Variants in KLHL22 observed in about 807,000 individuals in gnomAD.
KLHL22 encodes the protein kelch-like protein 22.
KLHL22 carries 18 observed loss-of-function variants against 60.7 expected under a neutral mutation model. The observed-to-expected ratio is 0.30, with a 90% CI of 0.20 to 0.44. The LOEUF is 0.44. Among genes scored for constraint, KLHL22 ranks in the 20% least tolerant of loss-of-function variants. KLHL22 has a pLI of 1.00. For synonymous variants in KLHL22, 355 were observed against 354.5 expected, an observed-to-expected ratio of 1.00 and a Z score of -0.01; for missense variants, 596 against 852.3, an observed-to-expected ratio of 0.70 and a Z score of 3.74.
At chr22:20,444,916 G>C (rs1023727543) in intron 6 of KLHL22, among the ~76,000 whole-genome samples, 2 of 151,864 alleles carry the variant, frequency 1.3e-5, no homozygotes, top group African/African-American at 4.8e-5. Flanking sequence ...CAAGTAGCTG[G>C]GACCACAGGT....
intron 2 of KLHL22, among the ~76,000 whole-genome samples, chr22:20,486,435 ACTGGGTGCAT>A (rs901832214): frequency 1.4e-4 from 22 of 152,246 alleles, no homozygotes; most frequent in African/African-American, 5.3e-4. Context: ...ATGTCTCAGC[ACTGGGTGCAT>A]CGTCCCACAG....
chr22:20,450,136 G>A, intron 5 of KLHL22: 1 of 789,918 alleles, frequency 1.3e-6, no homozygotes, highest in South Asian at 1.3e-5. Context: ...GAGGCATTAT[G>A]GCCCCCAAAG....
chr22:20,491,724 A>G (rs1291705814), intron 1 of KLHL22: 3 of 152,194 alleles, frequency 2.0e-5, no homozygotes, highest in South Asian at 4.1e-4. Flanking sequence ...AATGAAAAAT[A>G]TATGCTGATA....
intron 2 of KLHL22, among the ~76,000 whole-genome samples, chr22:20,480,577 C>A (rs965166087): frequency 6.6e-6 from 1 of 152,022 alleles, no homozygotes; most frequent in East Asian, 1.9e-4. Flanking sequence ...TTCAGGTCCT[C>A]GATCCCTTGT....
chr22:20,465,516 T>C lies in KLHL22; in HGVS notation c.454A>G (p.Ile152Val), dbSNP rs928715623. ...FLMSWVDEEN[I>V]LDVYRLAELF... ...TCTGCCAGCCGGTAGACATCGAGAA[T>C]GTTCTCTTCGTCCACCCAGGACATG... The change falls in exon 4 of 7, where the codon ATT becomes GTT. Residue 152 changes from isoleucine to valine, a missense_variant. By Grantham distance (29) the Ile-to-Val change is conservative. Transcript: ENST00000328879. This position sits in a 1 kb window ranked among gnomAD's most constrained non-coding sequence, Gnocchi z 4.9. The C allele has an allele frequency of 6.2e-6, 10 of 1,610,874 alleles. No homozygotes were observed. Among genetic ancestry groups the C allele is most frequent in the Non-Finnish European group, 6.8e-6 (8 of 1,177,182 alleles).
At chr22:20,486,683 CT>C (rs60166792) in intron 2 of KLHL22, among the ~76,000 whole-genome samples, 48,029 of 140,602 alleles carry the variant, frequency 0.34, 7,253 homozygotes, top group East Asian at 0.44. Context: ...TATTTCTTTT[CT>C]TTTTTTTTTT....
intron 5 of KLHL22, among the ~76,000 whole-genome samples, chr22:20,455,816 C>T (rs368733912): frequency 1.5e-3 from 228 of 152,284 alleles, no homozygotes; most frequent in African/African-American, 5.2e-3. Flanking sequence ...ACAGTGCATG[C>T]GCTGCTAGAA....
At chr22:20,443,374 G>A (rs1257910624) in intron 6 of KLHL22, among the ~76,000 whole-genome samples, 1 of 152,144 alleles carries the variant, frequency 6.6e-6, no homozygotes, top group Non-Finnish European at 1.5e-5. Flanking sequence ...AGGATTAAGG[G>A]TGCAGACCCT....
At chr22:20,471,223 C>T (rs1244166301) in intron 3 of KLHL22, 127 bp downstream of exon 3, 1 of 862,922 alleles carries the variant, frequency 1.2e-6, no homozygotes, top group African/African-American at 1.7e-5. Flanking sequence ...TGGCCTTCGT[C>T]ACTGCTTGGT....
rs775125134 is a variant in KLHL22, at chr22:20,446,629, G to A, written c.1353C>T (p.Thr451=). 6.2e-7 allele frequency: 1 copy of A among 1,613,396 alleles called. No individual in the cohort carries two copies. The highest frequency in any genetic ancestry group is 8.5e-7 in the Non-Finnish European group (1 of 1,180,044). ...GATLEGKMYI[T]CGRRGEDYLK... is the part of the protein sequence containing the mutation. ...GGTAATCCTCCCCTCTGCGGCCGCAGGTGATATACATCTTCCCCTCCAGCG... is the reference window on the plus strand; with the variant it reads ...GGTAATCCTCCCCTCTGCGGCCGCAAGTGATATACATCTTCCCCTCCAGCG... Residue 451 remains threonine (T), a synonymous_variant, in exon 6 of 7, where the codon ACC becomes ACT. Coordinates refer to ENST00000328879, the MANE Select transcript of KLHL22 (RefSeq NM_032775.4).
intron 5 of KLHL22, among the ~76,000 whole-genome samples, chr22:20,456,022 A>G (rs1478312920): frequency 6.6e-6 from 1 of 152,172 alleles, no homozygotes; most frequent in Non-Finnish European, 1.5e-5. Context: ...TCGTTAATGC[A>G]TGTCTCTTGC....
At chr22:20,458,105 C>G in intron 4 of KLHL22, 105 bp from the exon 5 acceptor site, 1 of 1,248,056 alleles carries the variant, frequency 8.0e-7, no homozygotes, top group Non-Finnish European at 1.1e-6. Context: ...CTCAGCCCAG[C>G]CTGAACCCTC....
intron 2 of KLHL22, chr22:20,481,033 A>G (rs903013093): frequency 4.6e-5 from 7 of 151,308 alleles, no homozygotes; most frequent in Admixed American, 1.3e-4. Context: ...GGGTTTCACC[A>G]TGTTAGCCAG....
chr22:20,458,354 C>T (rs2053098790), intron 4 of KLHL22, among the ~76,000 whole-genome samples: 1 of 145,110 alleles, frequency 6.9e-6, no homozygotes. Flanking sequence ...AATCATGGCT[C>T]ACTGTAGCCT....
Position 20,442,209 on chromosome 22 carries a change from A to G in KLHL22, c.1769T>C (p.Val590Ala). ...DNSISGLAAC[V>A]LTLPRSLLLE... Reference sequence around the variant, plus strand: ...GAGCAGGGAGCGGGGCAGGGTGAGCACACAGGCCGCCAGGCCTGAGATGGA... The same window carrying G: ...GAGCAGGGAGCGGGGCAGGGTGAGCGCACAGGCCGCCAGGCCTGAGATGGA... The change falls in exon 7 of 7, where the codon GTG (valine) becomes GCG (alanine). Residue 590 changes from valine to alanine, a missense_variant. Val to Ala is a moderately conservative substitution (Grantham distance 64). Transcript: ENST00000328879. The G allele has an allele frequency of 6.2e-7, 1 of 1,602,500 alleles. No individual in the cohort carries two copies.
intron 2 of KLHL22, among the ~76,000 whole-genome samples, chr22:20,486,167 A>G (rs1336828221): frequency 2.0e-4 from 12 of 60,948 alleles, no homozygotes; most frequent in Admixed American, 7.6e-4. Context: ...ATTCCGTCTC[A>G]AAAAAAAAAA....
At chr22:20,475,134 C>T (rs1307768694) in intron 2 of KLHL22, 3 of 150,940 alleles carry the variant, frequency 2.0e-5, no homozygotes. Flanking sequence ...TGAGGAGTTT[C>T]CCCGATCTTT....
At chr22:20,451,222 T>C in intron 5 of KLHL22, 3 of 1,599,986 alleles carry the variant, frequency 1.9e-6, no homozygotes, top group Non-Finnish European at 2.6e-6. Flanking sequence ...GAATGTCTGA[T>C]GAGGTCTTGC....
intron 3 of KLHL22, 61 bp downstream of exon 3, chr22:20,471,289 G>A (rs1165388574): frequency 7.2e-6 from 11 of 1,519,218 alleles, no homozygotes; most frequent in African/African-American, 2.7e-5. Flanking sequence ...CAGGCATCAT[G>A]GGCATCTCAG....
Sources: gnomAD v4.1 joint callset for allele counts (sites outside exome capture counted in the v4.1 genomes callset) on GRCh38, gnomAD v4.1.1 for gene constraint, Gnocchi (gnomAD v3.1) non-coding constraint, MANE v1.5 for transcripts, NCBI Gene and HGNC (gene_info 2026-07-23, HGNC 2026-07-21) for gene names.